Variants in SMARCC1 observed in about 807,000 individuals in gnomAD.
SMARCC1 encodes SWI/SNF related BAF chromatin remodeling complex subunit C1, also known as SWI/SNF complex subunit SMARCC1.
A neutral mutation model predicts 147.4 loss-of-function variants in SMARCC1; 43 were observed. That is an observed-to-expected ratio of 0.29 (90% CI 0.23 to 0.38). The LOEUF (loss-of-function observed/expected upper bound fraction) is 0.38, where lower values mean the gene tolerates loss of function less well. Ranked by LOEUF, SMARCC1 falls within the 10% of genes least tolerant of loss-of-function variation. The pLI is 1.00. For synonymous variants in SMARCC1, 495 were observed against 484.4 expected (o/e 1.02, Z -0.29); for missense variants, 1,119 against 1,381.1 (o/e 0.81, Z 3.01).
At chr3:47,654,995 T>C (rs1023305442) in intron 21 of SMARCC1, among the ~76,000 whole-genome samples, 1 of 152,182 alleles carries the variant, frequency 6.6e-6, no homozygotes, top group African/African-American at 2.4e-5. Context: ...TCTGAAAATG[T>C]TTCCATATAA....
chr3:47,763,972 G>A (rs1055284882), intron 2 of SMARCC1, among the ~76,000 whole-genome samples: 2 of 151,670 alleles, frequency 1.3e-5, no homozygotes, highest in Non-Finnish European at 2.9e-5. Context: ...TCTAGCCTCA[G>A]CCACCCAAAA....
intron 13 of SMARCC1, among the ~76,000 whole-genome samples, chr3:47,688,203 T>G (rs1171071579): frequency 6.6e-6 from 1 of 152,014 alleles, no homozygotes; most frequent in Non-Finnish European, 1.5e-5. Context: ...GAGGTTGTGG[T>G]GAGCCTAGAT....
chr3:47,643,848 T>C (rs2033083261), intron 21 of SMARCC1, among the ~76,000 whole-genome samples: 1 of 152,120 alleles, frequency 6.6e-6, no homozygotes, highest in Non-Finnish European at 1.5e-5. Context: ...AATACAATAA[T>C]GAAGAGAGCG....
chr3:47,703,484 C>G (rs1317761646), intron 10 of SMARCC1, among the ~76,000 whole-genome samples: 4 of 151,496 alleles, frequency 2.6e-5, no homozygotes, highest in African/African-American at 9.7e-5. Flanking sequence ...TGCCAAAGAG[C>G]AAGATCTTGT....
intron 26 of SMARCC1, among the ~76,000 whole-genome samples, chr3:47,608,436 T>C (rs1386043702): frequency 1.3e-5 from 2 of 152,032 alleles, no homozygotes; most frequent in Non-Finnish European, 1.5e-5. Context: ...TCTAAAACAA[T>C]TTAGTCGAAT....
chr3:47,726,003 A>G (rs2034294911), intron 6 of SMARCC1, among the ~76,000 whole-genome samples: 2 of 141,842 alleles, frequency 1.4e-5, no homozygotes, highest in Non-Finnish European at 1.5e-5. Context: ...CGGAAGCTGC[A>G]GTGAGCCAAG....
intron 27 of SMARCC1, 60 bp from the exon 28 acceptor site, chr3:47,588,366 G>T: frequency 1.3e-6 from 2 of 1,498,234 alleles, no homozygotes; most frequent in East Asian, 2.3e-5. Flanking sequence ...TCAGGAAAGA[G>T]CCTATTCAGT....
intron 26 of SMARCC1, among the ~76,000 whole-genome samples, chr3:47,608,666 C>T (rs567894217): frequency 4.0e-4 from 60 of 151,744 alleles, no homozygotes; most frequent in African/African-American, 1.3e-3. Context: ...GGCTACAAGG[C>T]GAAACCCTAT....
rs1553693293 is a variant in SMARCC1 at position 47,778,212 on chromosome 3, A to AAAAAAAC, written c.195+3390_195+3391insGTTTTTT. ...TCTCAAAAAAAAAAAACAAAAAACA[A>AAAAAAAC]AAAACAAAAAAAACACTGACTCCTA... On this transcript the variant is annotated intron_variant, in intron 1 of 27. Transcript: ENST00000254480. 6.3e-4 allele frequency among the ~76,000 whole-genome samples: 76 copies of AAAAAAAC among 121,334 alleles called. 4 individuals carry two copies. Among genetic ancestry groups the AAAAAAAC allele is most frequent in the South Asian group, 1.0e-3 (4 of 3,880 alleles). 79.6% of individuals were successfully genotyped at this position (121,334 alleles called of 152,430 possible).
intron 5 of SMARCC1, among the ~76,000 whole-genome samples, chr3:47,735,719 A>G (rs1001349764): frequency 3.3e-5 from 5 of 151,928 alleles, no homozygotes; most frequent in African/African-American, 4.8e-5. Flanking sequence ...GCACCCCTAC[A>G]CTCTAGCCTG....
chr3:47,591,404 TTCA>T (rs1432980343), intron 26 of SMARCC1, among the ~76,000 whole-genome samples: 1 of 137,694 alleles, frequency 7.3e-6, no homozygotes, highest in African/African-American at 2.6e-5. Flanking sequence ...TCATGTATGG[TTCA>T]TTTAAAAAAA....
At chr3:47,772,207 A>G (rs912855993) in intron 2 of SMARCC1, among the ~76,000 whole-genome samples, 2 of 152,246 alleles carry the variant, frequency 1.3e-5, no homozygotes, top group African/African-American at 2.4e-5. Flanking sequence ...CCTGGGCAAC[A>G]CAGCAAGATC....
At chr3:47,702,341 T>C (rs1419011543) in intron 10 of SMARCC1, among the ~76,000 whole-genome samples, 1 of 150,374 alleles carries the variant, frequency 6.7e-6, no homozygotes, top group Non-Finnish European at 1.5e-5. Flanking sequence ...AGAAATACGA[T>C]AGAAGTATTA....
chr3:47,781,466 C>A, intron 1 of SMARCC1, 137 bp downstream of exon 1: 1 of 489,836 alleles, frequency 2.0e-6, no homozygotes, highest in Non-Finnish European at 3.2e-6. Context: ...GCGGCGGGGG[C>A]GTGGCGGGCC....
chr3:47,620,707 C>T (rs549930599), intron 25 of SMARCC1, among the ~76,000 whole-genome samples: 1 of 152,290 alleles, frequency 6.6e-6, no homozygotes, highest in African/African-American at 2.4e-5. Flanking sequence ...GATGGGCCTA[C>T]TTCCAGCTAC....
Position 47,701,394 on chromosome 3 carries a change from C to A in SMARCC1, c.1049G>T (p.Ser350Ile). The A allele has an allele frequency of 3.1e-6, 5 of 1,613,754 alleles. No individual in the cohort carries two copies. Among genetic ancestry groups the A allele is most frequent in the Non-Finnish European group, 4.2e-6 (5 of 1,179,786 alleles). ...CTGACTTCTGCGCTTCCCATAAAGGCTAGCTTGGCTAAAACATACAAGTAT... is the reference window on the plus strand; with the variant it reads ...CTGACTTCTGCGCTTCCCATAAAGGATAGCTTGGCTAAAACATACAAGTAT... ...RKKSGKKGQA[S>I]LYGKRRSQKE... is the part of the protein sequence containing the mutation. The change falls in exon 11 of 28, where the codon AGC (serine) becomes ATC (isoleucine). Residue 350 changes from serine (S) to isoleucine (I), a missense_variant. Ser to Ile is a moderately radical substitution (Grantham distance 142). Coordinates refer to ENST00000254480, the MANE Select transcript of SMARCC1 (RefSeq NM_003074.4).
chr3:47,751,444 G>T (rs1199976662), intron 2 of SMARCC1, among the ~76,000 whole-genome samples: 1 of 152,016 alleles, frequency 6.6e-6, no homozygotes, highest in East Asian at 1.9e-4. Context: ...GGGAGGCTGA[G>T]GCAGAAGAAT....
intron 11 of SMARCC1, among the ~76,000 whole-genome samples, chr3:47,693,910 G>C (rs1289493112): frequency 6.6e-6 from 1 of 152,120 alleles, no homozygotes; most frequent in Non-Finnish European, 1.5e-5. Flanking sequence ...CAATCCATTC[G>C]CATCAGCCTC....
At chr3:47,725,196 TA>T (rs1033511658) in intron 6 of SMARCC1, among the ~76,000 whole-genome samples, 6 of 151,962 alleles carry the variant, frequency 3.9e-5, no homozygotes, top group African/African-American at 1.4e-4. Context: ...AATATTATGC[TA>T]AATGAAAAGA....
Sources: gnomAD v4.1 joint callset for allele counts (sites outside exome capture counted in the v4.1 genomes callset) on GRCh38, gnomAD v4.1.1 for gene constraint, MANE v1.5 for transcripts, NCBI Gene and HGNC (gene_info 2026-07-23, HGNC 2026-07-21) for gene names.